DERA: variants seen among roughly 807,000 people sequenced by gnomAD.
DERA encodes deoxyribose-phosphate aldolase.
In DERA, 15 loss-of-function variants were observed where a neutral mutation model predicts 41.1. That is an observed-to-expected ratio of 0.37 (90% CI 0.24 to 0.56). The LOEUF (loss-of-function observed/expected upper bound fraction) is 0.56. DERA is among the 20% of genes least tolerant of loss of function. The pLI, the probability that DERA is intolerant of heterozygous loss-of-function variation, is 0.81. For missense variants in DERA, 396 were observed against 403.4 expected (o/e 0.98, Z 0.16); for synonymous variants, 139 against 137.4 (o/e 1.01, Z -0.08).
rs891111366 is a variant in DERA at position 16,026,967 on chromosome 12, A to C, written c.638-5575A>C. ...TAAAACTAATTATATGCCACAACCA[A>C]GTGTGATTTATTCCAGGTATGCAAG... On this transcript the variant is annotated intron_variant, in intron 6 of 8. Coordinates refer to ENST00000428559, the MANE Select transcript of DERA (RefSeq NM_015954.4). The surrounding 1 kb of genome is among the most constrained non-coding windows in gnomAD (Gnocchi z 4.4). 3.9e-5 allele frequency among the ~76,000 whole-genome samples: 6 copies of C among 152,170 alleles called. No individual in the cohort carries two copies. The highest frequency in any genetic ancestry group is 1.4e-4 in the African/African-American group (6 of 41,448).
In DERA at chr12:15,966,752, C is replaced by T. The variant is rs1948626109; in HGVS notation, c.508+3805C>T. On this transcript the variant is annotated intron_variant, in intron 5 of 8. Transcript: ENST00000428559. This position sits in a 1 kb window ranked among gnomAD's most constrained non-coding sequence, Gnocchi z 5.1. ...ACCTCCTCTGTCATCCCTGAAGTGT[C>T]CATGTTTCTCAGAATCTGAGAACTG... Among the ~76,000 whole-genome samples, 1 of 152,186 alleles carries T rather than the reference C, an allele frequency of 6.6e-6. No individual in the cohort carries two copies. Among genetic ancestry groups the T allele is most frequent in the South Asian group, 2.1e-4 (1 of 4,804 alleles).
rs1204343164 is a variant in DERA at position 15,913,331 on chromosome 12, G to C, written c.31+1917G>C. ...TTAAAATCAGATTTTTTTCCTTCACGGGTATTAATCCTTAATCCAAACAGG... is the reference window on the plus strand; with the variant it reads ...TTAAAATCAGATTTTTTTCCTTCACCGGTATTAATCCTTAATCCAAACAGG... On this transcript the variant is annotated intron_variant, in intron 1 of 8. Transcript: ENST00000428559. The surrounding 1 kb of genome is among the most constrained non-coding windows in gnomAD (Gnocchi z 4.5). Among the ~76,000 whole-genome samples the C allele has an allele frequency of 6.6e-6, 1 of 151,698 alleles. No homozygotes were observed. The highest frequency in any genetic ancestry group is 1.5e-5 in the Non-Finnish European group (1 of 67,926).
chr12:15,954,339 C>A lies in DERA; in HGVS notation c.32-2597C>A, dbSNP rs1948521389. 6.6e-6 allele frequency among the ~76,000 whole-genome samples: 1 copy of A among 152,072 alleles called. No individual in the cohort carries two copies. The highest frequency in any genetic ancestry group is 1.5e-5 in the Non-Finnish European group (1 of 68,030). Reference sequence around the variant, plus strand: ...TTAAAAAATCTTTTGGGGACATAAACATTTGGACACATCAGTGGCATTCTG... The same window carrying A: ...TTAAAAAATCTTTTGGGGACATAAAAATTTGGACACATCAGTGGCATTCTG... On this transcript the variant is annotated intron_variant, in intron 1 of 8. Transcript: ENST00000428559. The surrounding 1 kb of genome is among the most constrained non-coding windows in gnomAD (Gnocchi z 4.0).
Position 15,981,230 on chromosome 12 carries a change from C to T in DERA, c.509-1078C>T, listed in dbSNP as rs1948730680. ...AGGCGTGGTGGCAGGCGCCTGTAGT[C>T]CCAGCTACTCGGGAGGCTGAGGCAG... On this transcript the variant is annotated intron_variant, in intron 5 of 8. Coordinates refer to ENST00000428559, the MANE Select transcript of DERA (RefSeq NM_015954.4). The surrounding 1 kb of genome is among the most constrained non-coding windows in gnomAD (Gnocchi z 6.1). Among the ~76,000 whole-genome samples, 1 of 152,168 alleles carries T rather than the reference C, an allele frequency of 6.6e-6. No individual in the cohort carries two copies. The highest frequency in any genetic ancestry group is 2.4e-5 in the African/African-American group (1 of 41,430).
At chr12:16,034,948 A>G (rs1949117149) in intron 7 of DERA, among the ~76,000 whole-genome samples, 1 of 25,958 alleles carries the variant, frequency 3.9e-5, no homozygotes, top group African/African-American at 1.6e-4. Context: ...ATCCTACTTA[A>G]CCCCCTACTA....
chr12:15,927,169 G>A (rs533928419), intron 1 of DERA, among the ~76,000 whole-genome samples: 2 of 152,126 alleles, frequency 1.3e-5, no homozygotes, highest in Non-Finnish European at 2.9e-5. Flanking sequence ...CATGAAGATG[G>A]TAATACATAT....
intron 1 of DERA, among the ~76,000 whole-genome samples, chr12:15,950,724 C>A (rs1001481030): frequency 3.9e-5 from 6 of 152,144 alleles, no homozygotes; most frequent in Admixed American, 6.5e-5. Flanking sequence ...TGGCTCATGC[C>A]CATCCTACAT....
In DERA at chr12:16,037,070, C is replaced by T. The variant is rs556750191; in HGVS notation, c.*324C>T. 12 of 254,152 alleles carry T rather than the reference C, an allele frequency of 4.7e-5. No individual in the cohort carries two copies. Among genetic ancestry groups the T allele is most frequent in the Admixed American group, 2.2e-4 (4 of 18,038 alleles). The allele number at this position is 254,152 out of a possible 1,614,324, so 15.7% of individuals were successfully genotyped here. Reference sequence around the variant, plus strand: ...AAGGGAGAAAAAAACAATATTAAACCGCCCAAGCAGTGTGCCCTAGCAGAG... The same window carrying T: ...AAGGGAGAAAAAAACAATATTAAACTGCCCAAGCAGTGTGCCCTAGCAGAG... On this transcript the variant is annotated 3_prime_UTR_variant, in exon 9 of 9. Transcript: ENST00000428559. This position sits in a 1 kb window ranked among gnomAD's most constrained non-coding sequence, Gnocchi z 6.7.
rs1948912815 is a variant in DERA at position 16,006,645 on chromosome 12, C to T, written c.637+24209C>T. On this transcript the variant is annotated intron_variant, in intron 6 of 8. Coordinates refer to ENST00000428559, the MANE Select transcript of DERA (RefSeq NM_015954.4). The stretch of plus-strand genomic sequence containing the variant: ...ACCTCCTAGCTATCCCTCTCTTCTC[C>T]AGCATTTTGGACATGTCTCTCAGCA... 1.3e-5 allele frequency among the ~76,000 whole-genome samples: 2 copies of T among 152,226 alleles called. 1 individual carries two copies. The highest frequency in any genetic ancestry group is 4.1e-4 in the South Asian group (2 of 4,834).
chr12:15,924,727 T>C lies in DERA; in HGVS notation c.31+13313T>C, dbSNP rs532705465. ...ATTATTGTAATTCCAATCGATCCTA[T>C]ATTGTGAAAATACTTGGCTTTCACC... On this transcript the variant is annotated intron_variant, in intron 1 of 8. Coordinates refer to ENST00000428559, the MANE Select transcript of DERA (RefSeq NM_015954.4). This position sits in a 1 kb window ranked among gnomAD's most constrained non-coding sequence, Gnocchi z 5.0. Among the ~76,000 whole-genome samples the C allele has an allele frequency of 5.8e-4, 88 of 152,340 alleles. No homozygotes were observed. Among genetic ancestry groups the C allele is most frequent in the Non-Finnish European group, 1.1e-3 (77 of 68,030 alleles).
intron 4 of DERA, 171 bp from the exon 5 acceptor site, chr12:15,962,642 T>G: frequency 1.9e-6 from 1 of 519,072 alleles, no homozygotes; most frequent in East Asian, 3.0e-5. Flanking sequence ...TATGCATAAG[T>G]GATGTTCTTA....
intron 6 of DERA, among the ~76,000 whole-genome samples, chr12:16,007,232 G>A (rs1948917864): frequency 1.4e-5 from 2 of 141,640 alleles, no homozygotes; most frequent in South Asian, 4.4e-4. Context: ...TGCGCAGGCT[G>A]AAGCGCAGTG....
chr12:15,963,023 T>C (rs892961599), intron 5 of DERA, 76 bp downstream of exon 5: 1 of 1,532,688 alleles, frequency 6.5e-7, no homozygotes, highest in African/African-American at 1.4e-5. Flanking sequence ...AGATGTGGTA[T>C]GTTTTAGAGG....
rs972275005 is a variant in DERA, at chr12:15,943,685, C to T, written c.32-13251C>T. Among the ~76,000 whole-genome samples, 3 of 148,886 alleles carry T rather than the reference C, an allele frequency of 2.0e-5. No homozygotes were observed. Among genetic ancestry groups the T allele is most frequent in the Admixed American group, 1.4e-4 (2 of 14,730 alleles). ...TCTTGACATTTTCTATTTTCTGTTT[C>T]TTCTTTTTTATTTTTTAATTTTTAT... is the stretch of plus-strand genomic sequence containing the variant. On this transcript the variant is annotated intron_variant, in intron 1 of 8. Transcript: ENST00000428559. This position sits in a 1 kb window ranked among gnomAD's most constrained non-coding sequence, Gnocchi z 4.5.
At chr12:16,030,464 A>C (rs926685125) in intron 6 of DERA, among the ~76,000 whole-genome samples, 1 of 152,180 alleles carries the variant, frequency 6.6e-6, no homozygotes, top group Non-Finnish European at 1.5e-5. Flanking sequence ...TGTTGTAGGC[A>C]TCAGGCACCT....
chr12:15,971,475 C>T (rs1367896596), intron 5 of DERA, among the ~76,000 whole-genome samples: 1 of 144,988 alleles, frequency 6.9e-6, no homozygotes, highest in Non-Finnish European at 1.5e-5. Flanking sequence ...GGGAGTTTTT[C>T]GTCACTGAAG....
At chr12:15,919,627 C>T (rs1948226725) in intron 1 of DERA, among the ~76,000 whole-genome samples, 2 of 152,292 alleles carry the variant, frequency 1.3e-5, no homozygotes, top group South Asian at 4.1e-4. Flanking sequence ...AGTGAGTTCC[C>T]TAGAAACCAA....
Position 15,994,655 on chromosome 12 carries a change from A to T in DERA, c.637+12219A>T, listed in dbSNP as rs1361354319. Among the ~76,000 whole-genome samples the T allele has an allele frequency of 6.6e-6, 1 of 152,040 alleles. No homozygotes were observed. Among genetic ancestry groups the T allele is most frequent in the Non-Finnish European group, 1.5e-5 (1 of 68,020 alleles). On this transcript the variant is annotated intron_variant, in intron 6 of 8. Transcript: ENST00000428559. This position sits in a 1 kb window ranked among gnomAD's most constrained non-coding sequence, Gnocchi z 4.8. ...TTTTTAGTAGAGACGGGGTTTCACC[A>T]TGTTAGCCAGCATGGTCTCGATCTC...
chr12:15,931,360 C>A lies in DERA; in HGVS notation c.31+19946C>A, dbSNP rs188855764. On this transcript the variant is annotated intron_variant, in intron 1 of 8. Transcript: ENST00000428559. The surrounding 1 kb of genome is among the most constrained non-coding windows in gnomAD (Gnocchi z 4.6). ...AGTTAAGTGGATTTTCTCTGAAGCG[C>A]TTGGTTCCTAGAATAATTGATTAAA... Among the ~76,000 whole-genome samples, 22 of 152,258 alleles carry A rather than the reference C, an allele frequency of 1.4e-4. No homozygotes were observed. Among genetic ancestry groups the A allele is most frequent in the Admixed American group, 5.9e-4 (9 of 15,294 alleles).
Sources: gnomAD v4.1 joint callset for allele counts (sites outside exome capture counted in the v4.1 genomes callset) on GRCh38, gnomAD v4.1.1 for gene constraint, Gnocchi (gnomAD v3.1) non-coding constraint, MANE v1.5 for transcripts, NCBI Gene and HGNC (gene_info 2026-07-23, HGNC 2026-07-21) for gene names.